Variants in DAB2IP observed in about 807,000 individuals in gnomAD.
DAB2IP encodes disabled homolog 2-interacting protein.
Under a neutral mutation model 107.2 loss-of-function variants are expected in DAB2IP, and 28 were observed. That is an observed-to-expected ratio of 0.26 (90% CI 0.19 to 0.36). DAB2IP has a LOEUF of 0.36. Ranked by LOEUF, DAB2IP falls within the 10% of genes least tolerant of loss-of-function variation. The pLI, the probability that DAB2IP is intolerant of heterozygous loss-of-function variation, is 1.00. For missense variants in DAB2IP, 1,400 were observed against 1,644.7 expected, an observed-to-expected ratio of 0.85 and a Z score of 2.57; for synonymous variants, 755 against 706.4, an observed-to-expected ratio of 1.07 and a Z score of -1.09.
intron 1 of DAB2IP, among the ~76,000 whole-genome samples, chr9:121,569,777 C>T (rs537796596): frequency 2.0e-5 from 3 of 152,234 alleles, no homozygotes; most frequent in East Asian, 1.9e-4. Flanking sequence ...GCCAAGATCA[C>T]GCTGCTGCAC....
intron 3 of DAB2IP, among the ~76,000 whole-genome samples, chr9:121,747,024 G>T (rs1223621995): frequency 6.6e-6 from 1 of 152,154 alleles, no homozygotes; most frequent in African/African-American, 2.4e-5. Context: ...GTGGAGAGAT[G>T]GGGGAGGGCA....
intron 3 of DAB2IP, among the ~76,000 whole-genome samples, chr9:121,709,519 A>G (rs1830230425): frequency 6.6e-6 from 1 of 152,202 alleles, no homozygotes; most frequent in Non-Finnish European, 1.5e-5. Flanking sequence ...AAGAAAATTG[A>G]GTCACAGAGA....
chr9:121,729,123 C>T (rs1041737202), intron 3 of DAB2IP, among the ~76,000 whole-genome samples: 2 of 152,190 alleles, frequency 1.3e-5, no homozygotes, highest in African/African-American at 4.8e-5. Context: ...ATCTTCACAA[C>T]ACCTCTGTGT....
rs1829849749 is a variant in DAB2IP at position 121,702,716 on chromosome 9, G to A, written c.362+3258G>A. On this transcript the variant is annotated intron_variant, in intron 3 of 15. Coordinates refer to ENST00000408936, the Ensembl canonical transcript of DAB2IP. This position sits in a 1 kb window ranked among gnomAD's most constrained non-coding sequence, Gnocchi z 4.5. The stretch of plus-strand genomic sequence containing the variant: ...TGATATAGAGGATGTGGTTCTGTCA[G>A]CCCAGAGGATAATTTCCAAGTCATT... Among the ~76,000 whole-genome samples, 1 of 152,198 alleles carries A rather than the reference G, an allele frequency of 6.6e-6. No homozygotes were observed. Among genetic ancestry groups the A allele is most frequent in the Admixed American group, 6.5e-5 (1 of 15,282 alleles).
intron 3 of DAB2IP, among the ~76,000 whole-genome samples, chr9:121,734,248 G>A (rs1427736964): frequency 1.3e-5 from 2 of 149,326 alleles, no homozygotes; most frequent in Non-Finnish European, 2.9e-5. Context: ...GCGGTGGCGG[G>A]CGCCTGTAGT....
intron 3 of DAB2IP, among the ~76,000 whole-genome samples, chr9:121,725,017 C>A (rs1831153175): frequency 6.6e-6 from 1 of 152,134 alleles, no homozygotes; most frequent in Non-Finnish European, 1.5e-5. Context: ...AGGAGAGCAC[C>A]CCCGGCACCA....
intron 1 of DAB2IP, among the ~76,000 whole-genome samples, chr9:121,587,449 GA>G (rs1422211288): frequency 6.6e-6 from 1 of 151,856 alleles, no homozygotes; most frequent in African/African-American, 2.4e-5. Flanking sequence ...CTCTACTGAA[GA>G]GACAAAAATT....
At chr9:121,711,397 C>G (rs1035742716) in intron 3 of DAB2IP, among the ~76,000 whole-genome samples, 4 of 152,194 alleles carry the variant, frequency 2.6e-5, no homozygotes, top group African/African-American at 9.7e-5. Context: ...ATTTTGCTTC[C>G]TCATTCTTGG....
exon 1 of DAB2IP, chr9:121,567,084 T>C: frequency 1.4e-6 from 2 of 1,478,746 alleles, no homozygotes; most frequent in African/African-American, 1.4e-5. Flanking sequence ...AGTCATCTAG[T>C]TGGAAAAGCC....
At chr9:121,753,742 A>G (rs1227258006) in intron 3 of DAB2IP, among the ~76,000 whole-genome samples, 1 of 152,180 alleles carries the variant, frequency 6.6e-6, no homozygotes, top group East Asian at 1.9e-4. Context: ...TGCTGACTAG[A>G]GGTGGGTGCC....
chr9:121,668,172 A>G (rs866894237), intron 1 of DAB2IP, among the ~76,000 whole-genome samples: 4 of 150,848 alleles, frequency 2.7e-5, no homozygotes, highest in Admixed American at 6.7e-5. Context: ...GAGCCAAACC[A>G]TATCACCATT....
intron 3 of DAB2IP, among the ~76,000 whole-genome samples, chr9:121,711,709 G>GA (rs1554728871): frequency 6.6e-6 from 1 of 152,130 alleles, no homozygotes; most frequent in Non-Finnish European, 1.5e-5. Flanking sequence ...ATATGTATTT[G>GA]AAAAAAGTCA....
intron 1 of DAB2IP, among the ~76,000 whole-genome samples, chr9:121,676,353 G>A (rs547014258): frequency 2.0e-5 from 3 of 152,290 alleles, no homozygotes; most frequent in East Asian, 1.9e-4. Context: ...GTGTGTGTGC[G>A]CACGTCCCCT....
intron 2 of DAB2IP, among the ~76,000 whole-genome samples, chr9:121,687,936 C>T (rs924362600): frequency 2.6e-5 from 4 of 152,170 alleles, no homozygotes; most frequent in African/African-American, 9.7e-5. Flanking sequence ...GTGCATTGTC[C>T]TGGGCCACAC....
intron 3 of DAB2IP, among the ~76,000 whole-genome samples, chr9:121,706,021 T>G (rs1830043500): frequency 6.6e-6 from 1 of 152,156 alleles, no homozygotes; most frequent in African/African-American, 2.4e-5. Context: ...GCTTGGTGAC[T>G]CCTTCCAGGG....
intron 1 of DAB2IP, among the ~76,000 whole-genome samples, chr9:121,573,068 T>TTTGG (rs1380250091): frequency 6.6e-6 from 1 of 152,050 alleles, no homozygotes; most frequent in Non-Finnish European, 1.5e-5. Context: ...TGTCTTCTGT[T>TTTGG]TTGGTTTGTT....
chr9:121,577,775 G>A (rs1351356786), intron 1 of DAB2IP, among the ~76,000 whole-genome samples: 4 of 139,276 alleles, frequency 2.9e-5, no homozygotes, highest in East Asian at 1.9e-4. Flanking sequence ...CTTAGGTGGC[G>A]GTGGAGGGCG....
intron 3 of DAB2IP, among the ~76,000 whole-genome samples, chr9:121,743,256 C>T (rs1832477143): frequency 6.6e-6 from 1 of 152,144 alleles, no homozygotes; most frequent in Non-Finnish European, 1.5e-5. Flanking sequence ...CACATAGTGC[C>T]CAAAGAGGGC....
chr9:121,641,637 C>T (rs974482387), intron 1 of DAB2IP, among the ~76,000 whole-genome samples: 1 of 152,154 alleles, frequency 6.6e-6, no homozygotes, highest in Non-Finnish European at 1.5e-5. Context: ...AGTTCCTTCA[C>T]GGTCAGGATT....
Sources: gnomAD v4.1 joint callset for allele counts (sites outside exome capture counted in the v4.1 genomes callset) on GRCh38, gnomAD v4.1.1 for gene constraint, Gnocchi (gnomAD v3.1) non-coding constraint, MANE v1.5 for transcripts, NCBI Gene and HGNC (gene_info 2026-07-23, HGNC 2026-07-21) for gene names.